XYLB: variants seen among roughly 807,000 people sequenced by gnomAD.
XYLB encodes xylulokinase.
A neutral mutation model predicts 78.7 loss-of-function variants in XYLB; 62 were observed. That is an observed-to-expected ratio of 0.79 (90% CI 0.64 to 0.97). The LOEUF (loss-of-function observed/expected upper bound fraction) is 0.97, where lower values mean the gene tolerates loss of function less well. Ranked by LOEUF, XYLB falls within the 50% of genes least tolerant of loss-of-function variation. XYLB has a pLI of 0.00. For missense variants in XYLB, 687 were observed against 676.8 expected (o/e 1.02, Z -0.17); for synonymous variants, 245 against 247.4 (o/e 0.99, Z 0.09).
In XYLB at chr3:38,370,047, C is replaced by T. The variant is rs763499528; in HGVS notation, c.647-9C>T. On this transcript the variant is annotated splice_polypyrimidine_tract_variant and intron_variant, in intron 8 of 18. Transcript: ENST00000207870. ...AGATTGTCTGTTGTTTGTTTCCTTCCTTCCTCAGGTTCTGGAATGAATTTG... is the reference window on the plus strand; with the variant it reads ...AGATTGTCTGTTGTTTGTTTCCTTCTTTCCTCAGGTTCTGGAATGAATTTG... 3 of 1,611,626 alleles carry T rather than the reference C, an allele frequency of 1.9e-6. No homozygotes were observed. The highest frequency in any genetic ancestry group is 3.3e-5 in the Admixed American group (2 of 59,996).
chr3:38,384,824 G>A (rs1207254741), intron 15 of XYLB, among the ~76,000 whole-genome samples: 1 of 152,150 alleles, frequency 6.6e-6, no homozygotes, highest in Non-Finnish European at 1.5e-5. Flanking sequence ...ACGTGTGTGT[G>A]TGTATATATT....
intron 15 of XYLB, among the ~76,000 whole-genome samples, chr3:38,393,189 C>T (rs987945675): frequency 1.3e-5 from 2 of 151,900 alleles, no homozygotes; most frequent in Non-Finnish European, 2.9e-5. Flanking sequence ...CTCACTTTGC[C>T]GCACAGGCTG....
intron 18 of XYLB, 63 bp downstream of exon 18, chr3:38,401,048 C>A: frequency 1.4e-6 from 2 of 1,479,330 alleles, no homozygotes; most frequent in Non-Finnish European, 1.9e-6. Context: ...GGGTTTTTTC[C>A]CCCACCAAAA....
chr3:38,367,077 G>A (rs1706304707), intron 7 of XYLB, among the ~76,000 whole-genome samples: 1 of 152,146 alleles, frequency 6.6e-6, no homozygotes, highest in South Asian at 2.1e-4. Context: ...GAAGTCAGGG[G>A]TTCTCCTGAC....
At chr3:38,392,662 T>G (rs535922631) in intron 15 of XYLB, among the ~76,000 whole-genome samples, 1 of 152,298 alleles carries the variant, frequency 6.6e-6, no homozygotes, top group African/African-American at 2.4e-5. Flanking sequence ...GCTATGTACA[T>G]TCTTTCCCAT....
chr3:38,376,445 C>T (rs564222244), intron 13 of XYLB, among the ~76,000 whole-genome samples: 15 of 152,330 alleles, frequency 9.8e-5, no homozygotes, highest in African/African-American at 3.6e-4. Context: ...TCCTTGGCTT[C>T]TGCTCTGAGC....
At position 38,413,995 on chromosome 3, in the gene XYLB, TC is replaced by T. The variant is rs1708704424; in HGVS notation, c.*984del. 1 of 152,214 alleles carries T rather than the reference TC, an allele frequency of 6.6e-6. No homozygotes were observed. Among genetic ancestry groups the T allele is most frequent in the African/African-American group, 2.4e-5 (1 of 41,446 alleles). 9.4% of individuals were successfully genotyped at this position (152,214 alleles called of 1,614,324 possible). ...TTTGTATAGTGAGTTCCTTTTTCCT[TC>T]CTCTTTATCCCTCCTGTTTTACTTT... is the stretch of plus-strand genomic sequence containing the variant. On this transcript the variant is annotated 3_prime_UTR_variant, in exon 19 of 19. Transcript: ENST00000207870.
chr3:38,441,515 G>A, the XYLB span, among the ~76,000 whole-genome samples: 3 of 152,212 alleles, frequency 2.0e-5, no homozygotes, highest in Non-Finnish European at 4.4e-5. Flanking sequence ...TTTGTTGGCA[G>A]TCATGCTTGA....
intron 18 of XYLB, among the ~76,000 whole-genome samples, chr3:38,410,925 T>A (rs36144213): frequency 6.7e-6 from 1 of 150,002 alleles, no homozygotes; most frequent in Non-Finnish European, 1.5e-5. Context: ...ACTTTTACAC[T>A]GTTGGTGGGA....
chr3:38,399,985 A>G (rs1390855611), intron 17 of XYLB, among the ~76,000 whole-genome samples: 1 of 152,136 alleles, frequency 6.6e-6, no homozygotes, highest in African/African-American at 2.4e-5. Context: ...TCCCTCATCC[A>G]TTCTGCTCTG....
chr3:38,413,000 G>T lies in XYLB; in HGVS notation c.1598G>T (p.Gly533Val). 6.2e-7 allele frequency: 1 copy of T among 1,600,112 alleles called. No homozygotes were observed. The highest frequency in any genetic ancestry group is 8.5e-7 in the Non-Finnish European group (1 of 1,175,650). The change falls in exon 19 of 19, where the codon GGG becomes GTG. Residue 533 changes from glycine (G) to valine (V), a missense_variant. By Grantham distance (109) the Gly-to-Val change is moderately radical. Coordinates refer to ENST00000207870, the MANE Select transcript of XYLB (RefSeq NM_005108.4). ...LEQRILSQTR[G>V]PPE is the part of the protein sequence containing the mutation. ...CAGAGAATCTTGTCTCAGACCCGGG[G>T]GCCTCCGGAGTGAACAGGCATCCCT...
intron 10 of XYLB, among the ~76,000 whole-genome samples, chr3:38,373,255 C>T (rs1039924523): frequency 1.3e-4 from 20 of 152,058 alleles, no homozygotes; most frequent in African/African-American, 3.9e-4. Context: ...CTGGAGGGGC[C>T]CTTGGATCTC....
At chr3:38,406,753 C>T (rs1007455872) in intron 18 of XYLB, among the ~76,000 whole-genome samples, 18 of 152,064 alleles carry the variant, frequency 1.2e-4, no homozygotes, top group Middle Eastern at 3.4e-3. Flanking sequence ...CCTCAGGAGC[C>T]GATGCGATCA....
chr3:38,444,615 C>T, the XYLB span, among the ~76,000 whole-genome samples: 3 of 152,100 alleles, frequency 2.0e-5, no homozygotes, highest in Admixed American at 2.0e-4. Context: ...TTTTCCCCAT[C>T]AGAGAGAGAA....
At chr3:38,426,440 G>C in the XYLB span, among the ~76,000 whole-genome samples, 1 of 152,176 alleles carries the variant, frequency 6.6e-6, no homozygotes, top group Non-Finnish European at 1.5e-5. Context: ...TAGATATTAT[G>C]CAACTGAAGG....
At chr3:38,419,603 T>TATATATATATATATATATATATATATATA (rs71085322), downstream of XYLB, among the ~76,000 whole-genome samples, 85 of 80,870 alleles carry the variant, frequency 1.1e-3, no homozygotes, top group Non-Finnish European at 2.2e-3. Flanking sequence ...TATATATATA[T>TATATATATATATATATATATATATATATA]AATAGCCATC....
At chr3:38,366,940 A>G (rs1706297256) in intron 7 of XYLB, 67 bp downstream of exon 7, 2 of 1,115,554 alleles carry the variant, frequency 1.8e-6, no homozygotes, top group East Asian at 2.4e-5. Flanking sequence ...GTTAGAATAG[A>G]TACATCTTAC....
At chr3:38,443,338 G>T in the XYLB span, among the ~76,000 whole-genome samples, 1 of 152,206 alleles carries the variant, frequency 6.6e-6, no homozygotes, top group South Asian at 2.1e-4. Flanking sequence ...TTCTGGCCTA[G>T]AGAACATTTG....
chr3:38,413,362 G>T lies in XYLB; in HGVS notation c.*349G>T. On this transcript the variant is annotated 3_prime_UTR_variant, in exon 19 of 19. Transcript: ENST00000207870. ...GCTAATCTAGGGACTCAAATCAGCA[G>T]AATGGGGGAGACAAAGCCCGGTCTC... is the stretch of plus-strand genomic sequence containing the variant. 4.8e-6 allele frequency: 1 copy of T among 207,042 alleles called. No individual in the cohort carries two copies. The allele number at this position is 207,042 out of a possible 1,614,324, so 12.8% of individuals were successfully genotyped here. A position where few individuals can be genotyped will look rare whatever the true frequency, so the allele number is the denominator to read the frequency against.
Sources: gnomAD v4.1 joint callset for allele counts (sites outside exome capture counted in the v4.1 genomes callset) on GRCh38, gnomAD v4.1.1 for gene constraint, MANE v1.5 for transcripts, NCBI Gene and HGNC (gene_info 2026-07-23, HGNC 2026-07-21) for gene names.